SMCO2: variants seen among roughly 807,000 people sequenced by gnomAD.
The protein encoded by SMCO2 is single-pass membrane and coiled-coil domain-containing protein 2.
SMCO2 carries 25 observed loss-of-function variants against 29.5 expected under a neutral mutation model. That is an observed-to-expected ratio of 0.85 (90% CI 0.62 to 1.18). The LOEUF is 1.18. Among genes scored for constraint, SMCO2 ranks in the 50% most tolerant of loss-of-function variants. The pLI, the probability that SMCO2 is intolerant of heterozygous loss-of-function variation, is 0.00. For missense variants in SMCO2, 348 were observed against 344.5 expected, an observed-to-expected ratio of 1.01 and a Z score of -0.08; for synonymous variants, 117 against 123.3, an observed-to-expected ratio of 0.95 and a Z score of 0.34.
the SMCO2 span, among the ~76,000 whole-genome samples, chr12:27,434,312 G>A: frequency 2.0e-5 from 3 of 152,280 alleles, no homozygotes; most frequent in South Asian, 2.1e-4. Context: ...GGCCCTCTAC[G>A]TGATTCCGAG....
the SMCO2 span, among the ~76,000 whole-genome samples, chr12:27,445,918 T>G: frequency 6.6e-6 from 1 of 152,090 alleles, no homozygotes; most frequent in Non-Finnish European, 1.5e-5. Context: ...TCTCTTTTTT[T>G]TTTAAGACAG....
chr12:27,448,505 G>A, the SMCO2 span, among the ~76,000 whole-genome samples: 1 of 152,098 alleles, frequency 6.6e-6, no homozygotes, highest in Non-Finnish European at 1.5e-5. Flanking sequence ...CCTGAGAATT[G>A]AACTGGAATC....
the SMCO2 span, among the ~76,000 whole-genome samples, chr12:27,447,687 A>G: frequency 6.8e-6 from 1 of 146,654 alleles, no homozygotes; most frequent in Admixed American, 7.0e-5. Flanking sequence ...GGCTGCAGTG[A>G]GTGGTGATCG....
the SMCO2 span, among the ~76,000 whole-genome samples, chr12:27,444,082 G>C: frequency 6.6e-6 from 1 of 152,120 alleles, no homozygotes; most frequent in Non-Finnish European, 1.5e-5. Flanking sequence ...TTACCACAAA[G>C]CTATAGTAAC....
chr12:27,433,885 CAGTTGCCCTGAACGTGCA>C, the SMCO2 span, among the ~76,000 whole-genome samples: 1 of 152,188 alleles, frequency 6.6e-6, no homozygotes, highest in Admixed American at 6.5e-5. Context: ...ATCATACCAA[CAGTTGCCCTGAACGTGCA>C]AGATTGCAAA....
chr12:27,427,500 GCCTA>G, the SMCO2 span, among the ~76,000 whole-genome samples: 49 of 152,072 alleles, frequency 3.2e-4, no homozygotes, highest in Non-Finnish European at 4.9e-4. Context: ...GCCTCAGGAG[GCCTA>G]CCTACTTATT....
chr12:27,428,558 CTTT>C, the SMCO2 span, among the ~76,000 whole-genome samples: 1 of 143,272 alleles, frequency 7.0e-6, no homozygotes, highest in Admixed American at 7.2e-5. Context: ...TCTTGGCCAC[CTTT>C]TTTTTTTTTT....
chr12:27,498,515 C>T (rs1943039085), intron 7 of SMCO2: 1 of 229,288 alleles, frequency 4.4e-6, no homozygotes, highest in Non-Finnish European at 9.1e-6. Flanking sequence ...GTGGTGTACG[C>T]TGCTGCGTGA....
chr12:27,464,986 A>C (rs1592200816), upstream of SMCO2, among the ~76,000 whole-genome samples: 1 of 144,204 alleles, frequency 6.9e-6, no homozygotes, highest in African/African-American at 2.6e-5. Context: ...CCGAGATCGT[A>C]CCACTGCACT....
chr12:27,476,041 T>C (rs937779622), intron 4 of SMCO2, among the ~76,000 whole-genome samples: 1 of 152,198 alleles, frequency 6.6e-6, no homozygotes, highest in Admixed American at 6.5e-5. Flanking sequence ...TTGATGTCTC[T>C]GATAAATTGT....
the SMCO2 span, among the ~76,000 whole-genome samples, chr12:27,426,942 T>C: frequency 6.6e-6 from 1 of 152,192 alleles, no homozygotes; most frequent in South Asian, 2.1e-4. Context: ...ACATCATTTG[T>C]TTCAATGACA....
chr12:27,499,597 C>T lies in SMCO2; in HGVS notation c.684-2326C>T, dbSNP rs1943053658. ...GAATTTTATAGTATGTGACTAATAA[C>T]TCCAAACCAACCAACCAGACAAATA... On this transcript the variant is annotated intron_variant, in intron 7 of 7. Coordinates refer to ENST00000298876, the Ensembl canonical transcript of SMCO2. 1.3e-5 allele frequency among the ~76,000 whole-genome samples: 2 copies of T among 150,668 alleles called. 1 individual carries two copies. The highest frequency in any genetic ancestry group is 2.9e-5 in the Non-Finnish European group (2 of 67,880).
chr12:27,483,334 T>C (rs1245246208), intron 4 of SMCO2, among the ~76,000 whole-genome samples: 1 of 152,112 alleles, frequency 6.6e-6, no homozygotes, highest in Non-Finnish European at 1.5e-5. Context: ...GAGGCTCTGG[T>C]TTTAGTTGCA....
At chr12:27,449,666 A>G in the SMCO2 span, among the ~76,000 whole-genome samples, 2 of 152,220 alleles carry the variant, frequency 1.3e-5, no homozygotes, top group South Asian at 2.1e-4. Flanking sequence ...AAGGGGGGAA[A>G]AGTTAAAATA....
At chr12:27,428,608 G>C in the SMCO2 span, among the ~76,000 whole-genome samples, 1 of 147,188 alleles carries the variant, frequency 6.8e-6, no homozygotes, top group Non-Finnish European at 1.5e-5. Context: ...GGAGGACTCT[G>C]TCCATTGCTT....
chr12:27,470,404 G>A (rs921334896), intron 1 of SMCO2, among the ~76,000 whole-genome samples: 2 of 152,138 alleles, frequency 1.3e-5, no homozygotes, highest in Admixed American at 6.5e-5. Context: ...CAGCCAAGAG[G>A]TGTGTCCTTG....
At chr12:27,450,000 T>C in the SMCO2 span, among the ~76,000 whole-genome samples, 2 of 152,170 alleles carry the variant, frequency 1.3e-5, no homozygotes, top group African/African-American at 4.8e-5. Flanking sequence ...CGGCCAGTTT[T>C]AGCTCATGAC....
chr12:27,426,760 A>C, the SMCO2 span, among the ~76,000 whole-genome samples: 3 of 152,222 alleles, frequency 2.0e-5, no homozygotes, highest in African/African-American at 4.8e-5. Flanking sequence ...AACCCAAATA[A>C]CAGTAGAAAT....
At chr12:27,431,643 C>T in the SMCO2 span, among the ~76,000 whole-genome samples, 118 of 152,196 alleles carry the variant, frequency 7.8e-4, no homozygotes, top group Admixed American at 1.2e-3. Context: ...AAAATCCATC[C>T]GTCCATTGAA....
Sources: allele counts gnomAD v4.1 joint callset (sites outside exome capture counted in the v4.1 genomes callset), GRCh38; gene constraint gnomAD v4.1.1; transcripts MANE v1.5; gene names NCBI Gene and HGNC (gene_info 2026-07-23, HGNC 2026-07-21).